The following UBAC2 variants were observed in gnomAD, a reference collection of about 807,000 sequenced individuals.
UBAC2 encodes UBA domain containing 2, also known as ubiquitin-associated domain-containing protein 2.
A neutral mutation model predicts 44.0 loss-of-function variants in UBAC2; 26 were observed. That is an observed-to-expected ratio of 0.59 (90% CI 0.43 to 0.82). The LOEUF is 0.82. Among genes scored for constraint, UBAC2 ranks in the 40% least tolerant of loss-of-function variants. The probability of loss-of-function intolerance (pLI) is 0.00; values close to 1 mark genes in which losing one functional copy is unlikely to be tolerated. For missense variants in UBAC2, 329 were observed against 419.4 expected (o/e 0.78, Z 1.88); for synonymous variants, 155 against 154.3 (o/e 1.00, Z -0.04).
chr13:99,210,036 G>A (rs1417247359), intron 1 of UBAC2, among the ~76,000 whole-genome samples: 3 of 152,056 alleles, frequency 2.0e-5, no homozygotes, highest in African/African-American at 7.2e-5. Flanking sequence ...GGAGGGACAA[G>A]CTTAAGAGAG....
intron 8 of UBAC2, among the ~76,000 whole-genome samples, chr13:99,372,890 G>A (rs568514543): frequency 1.4e-4 from 22 of 152,192 alleles, no homozygotes; most frequent in African/African-American, 5.1e-4. Context: ...TGAGGCGGAC[G>A]GATCACGAGG....
intron 2 of UBAC2, among the ~76,000 whole-genome samples, chr13:99,243,233 CTTTTTTTTTT>C (rs773750160): frequency 2.1e-5 from 2 of 94,262 alleles, no homozygotes; most frequent in Admixed American, 1.1e-4. Flanking sequence ...TTGAGTAGCT[CTTTTTTTTTT>C]TTTTTTTTTT....
intron 8 of UBAC2, among the ~76,000 whole-genome samples, chr13:99,372,894 C>T (rs2138909378): frequency 6.6e-6 from 1 of 152,230 alleles, no homozygotes; most frequent in East Asian, 1.9e-4. Context: ...GCGGACGGAT[C>T]ACGAGGTCAG....
intron 2 of UBAC2, among the ~76,000 whole-genome samples, chr13:99,241,705 A>G (rs2043301720): frequency 6.8e-6 from 1 of 147,592 alleles, no homozygotes; most frequent in South Asian, 2.2e-4. Context: ...TGAATTGTAT[A>G]CTCAATAGTT....
At chr13:99,214,313 C>T (rs185154484) in intron 1 of UBAC2, among the ~76,000 whole-genome samples, 2 of 151,394 alleles carry the variant, frequency 1.3e-5, no homozygotes, top group African/African-American at 2.4e-5. Flanking sequence ...CTTGCTTGGC[C>T]GTTCTTGTGC....
At chr13:99,360,442 A>G (rs2045250201) in intron 7 of UBAC2, among the ~76,000 whole-genome samples, 1 of 152,252 alleles carries the variant, frequency 6.6e-6, no homozygotes, top group South Asian at 2.1e-4. Flanking sequence ...ACCAAGGGTC[A>G]TGGAAATGTT....
chr13:99,228,479 T>C (rs908843970), intron 1 of UBAC2, among the ~76,000 whole-genome samples: 12 of 151,896 alleles, frequency 7.9e-5, no homozygotes, highest in Non-Finnish European at 1.6e-4. Flanking sequence ...TTTTTAGTAG[T>C]GACGGGGCTT....
intron 6 of UBAC2, among the ~76,000 whole-genome samples, chr13:99,318,815 C>G (rs1411816564): frequency 3.7e-5 from 4 of 107,244 alleles, no homozygotes; most frequent in Non-Finnish European, 7.9e-5. Flanking sequence ...GAGTGAGACT[C>G]CATCTCAAAA....
chr13:99,245,145 T>C (rs2043368102), intron 4 of UBAC2, among the ~76,000 whole-genome samples: 1 of 152,228 alleles, frequency 6.6e-6, no homozygotes, highest in Non-Finnish European at 1.5e-5. Flanking sequence ...CTTCTTTTTT[T>C]AGCTTTGAAA....
chr13:99,359,123 G>A (rs1013840651), intron 7 of UBAC2, among the ~76,000 whole-genome samples: 2 of 152,186 alleles, frequency 1.3e-5, no homozygotes, highest in African/African-American at 2.4e-5. Flanking sequence ...TAGCTAGAGG[G>A]CTAGAAAGAA....
chr13:99,238,442 C>T lies in UBAC2; in HGVS notation c.47C>T (p.Ser16Leu), dbSNP rs567215238. ...GSSGLYKAPLSKSLLLVPSAL... is the reference protein window; with the variant it reads ...GSSGLYKAPLLKSLLLVPSAL... ...TTCCCTCCAGACAAGGCGCCTCTGTCGAAGAGCCTTCTGCTGGTCCCCAGT... is the reference window on the plus strand; with the variant it reads ...TTCCCTCCAGACAAGGCGCCTCTGTTGAAGAGCCTTCTGCTGGTCCCCAGT... Residue 16 changes from serine (S) to leucine (L), a missense_variant, in exon 2 of 9, where the codon TCG (serine) becomes TTG (leucine). Coordinates refer to ENST00000403766, the MANE Select transcript of UBAC2 (RefSeq NM_001144072.2). 5.0e-6 allele frequency: 8 copies of T among 1,613,694 alleles called. No homozygotes were observed. Among genetic ancestry groups the T allele is most frequent in the South Asian group, 1.1e-5 (1 of 91,058 alleles).
At chr13:99,268,353 C>T (rs1317858568) in intron 4 of UBAC2, among the ~76,000 whole-genome samples, 1 of 152,120 alleles carries the variant, frequency 6.6e-6, no homozygotes, top group African/African-American at 2.4e-5. Flanking sequence ...TGGCTCTCAC[C>T]TGTAATCTCG....
At chr13:99,269,564 T>C (rs996312109) in intron 4 of UBAC2, among the ~76,000 whole-genome samples, 15 of 152,194 alleles carry the variant, frequency 9.9e-5, no homozygotes, top group South Asian at 4.1e-4. Flanking sequence ...AAAGTCTTTA[T>C]AAATACTTAA....
At chr13:99,344,508 A>G (rs1396202806) in intron 7 of UBAC2, among the ~76,000 whole-genome samples, 1 of 152,204 alleles carries the variant, frequency 6.6e-6, no homozygotes. Context: ...TTTCATTTAA[A>G]ATACAACTGT....
intron 8 of UBAC2, among the ~76,000 whole-genome samples, chr13:99,370,118 C>G (rs1010461396): frequency 4.6e-5 from 7 of 152,282 alleles, no homozygotes; most frequent in South Asian, 2.1e-4. Flanking sequence ...TTTTACATTT[C>G]CAGGACTTGG....
At chr13:99,274,457 TGA>T (rs1285784522) in intron 4 of UBAC2, among the ~76,000 whole-genome samples, 1 of 151,618 alleles carries the variant, frequency 6.6e-6, no homozygotes, top group Non-Finnish European at 1.5e-5. Flanking sequence ...CCCCAGTAGC[TGA>T]GACTACAGAT....
Position 99,295,778 on chromosome 13 carries a change from G to A in UBAC2, c.390-18319G>A. ...AATGAAGCGGTCAATACTCAGGCAGGTCATAAAGTTCACACCTGCATATGT... is the reference window on the plus strand; with the variant it reads ...AATGAAGCGGTCAATACTCAGGCAGATCATAAAGTTCACACCTGCATATGT... On this transcript the variant is annotated intron_variant, in intron 4 of 8. Transcript: ENST00000403766. The surrounding 1 kb of genome is among the most constrained non-coding windows in gnomAD (Gnocchi z 4.1). 1 of 1,613,888 alleles carries A rather than the reference G, an allele frequency of 6.2e-7. No individual in the cohort carries two copies. Among genetic ancestry groups the A allele is most frequent in the Non-Finnish European group, 8.5e-7 (1 of 1,179,836 alleles).
At chr13:99,317,902 T>A in intron 5 of UBAC2, 120 bp from the exon 6 acceptor site, 1 of 729,388 alleles carries the variant, frequency 1.4e-6, no homozygotes. Context: ...CTTCTCTGTA[T>A]TATGGCATAT....
intron 4 of UBAC2, among the ~76,000 whole-genome samples, chr13:99,290,508 T>C (rs894004972): frequency 6.6e-6 from 1 of 151,792 alleles, no homozygotes; most frequent in Non-Finnish European, 1.5e-5. Flanking sequence ...GGTGGATCAC[T>C]TGAGGTCAGG....
Sources: allele counts gnomAD v4.1 joint callset (sites outside exome capture counted in the v4.1 genomes callset), GRCh38; gene constraint gnomAD v4.1.1; non-coding constraint Gnocchi (gnomAD v3.1); transcripts MANE v1.5; gene names NCBI Gene and HGNC (gene_info 2026-07-23, HGNC 2026-07-21).